SUCLG1: variants seen among roughly 807,000 people sequenced by gnomAD.
The protein encoded by SUCLG1 is succinate--CoA ligase [ADP/GDP-forming] subunit alpha, mitochondrial.
SUCLG1 carries 26 observed loss-of-function variants against 37.3 expected under a neutral mutation model. The observed-to-expected ratio is 0.70, with a 90% CI of 0.51 to 0.97. The LOEUF (loss-of-function observed/expected upper bound fraction) is 0.97. Among genes scored for constraint, SUCLG1 ranks in the 50% least tolerant of loss-of-function variants. The probability of loss-of-function intolerance (pLI) is 0.00; values close to 1 mark genes in which losing one functional copy is unlikely to be tolerated. For synonymous variants in SUCLG1, 163 were observed against 155.6 expected, an observed-to-expected ratio of 1.05 and a Z score of -0.36; for missense variants, 433 against 432.9, an observed-to-expected ratio of 1.00 and a Z score of 0.00.
At chr2:84,453,814 G>A (rs187312888) in intron 1 of SUCLG1, among the ~76,000 whole-genome samples, 15 of 152,346 alleles carry the variant, frequency 9.8e-5, no homozygotes, top group Non-Finnish European at 2.1e-4. Flanking sequence ...CCACATCCTA[G>A]GCCACCTCCT....
intron 1 of SUCLG1, chr2:84,458,570 G>A (rs1016069577): frequency 6.6e-6 from 1 of 152,174 alleles, no homozygotes; most frequent in Admixed American, 6.5e-5. Context: ...ATCGCCTGGT[G>A]GAGACACTGC....
intron 1 of SUCLG1, among the ~76,000 whole-genome samples, chr2:84,457,643 A>G (rs918857491): frequency 2.0e-5 from 3 of 152,192 alleles, no homozygotes; most frequent in Non-Finnish European, 4.4e-5. Context: ...GAAGCGAAAG[A>G]CACAGGTGGG....
intron 7 of SUCLG1, chr2:84,426,481 A>T (rs1425555220): frequency 1.3e-5 from 2 of 151,994 alleles, no homozygotes; most frequent in Non-Finnish European, 2.9e-5. Flanking sequence ...ATCCTGGCCA[A>T]CATGGTGAAA....
At chr2:84,443,469 C>T in intron 2 of SUCLG1, 69 bp from the exon 3 acceptor site, 1 of 1,298,352 alleles carries the variant, frequency 7.7e-7, no homozygotes, top group Non-Finnish European at 1.1e-6. Context: ...CAAAAGCAAT[C>T]TTAGCAACTT....
At chr2:84,423,908 T>C (rs1194960111) in intron 8 of SUCLG1, 136 bp from the exon 9 acceptor site, 2 of 915,060 alleles carry the variant, frequency 2.2e-6, no homozygotes, top group African/African-American at 3.3e-5. Flanking sequence ...AGAAGAAAAA[T>C]GTACCAGGAT....
At chr2:84,443,202 A>G in intron 3 of SUCLG1, 82 bp downstream of exon 3, 1 of 1,252,570 alleles carries the variant, frequency 8.0e-7, no homozygotes, top group Non-Finnish European at 1.2e-6. Flanking sequence ...TACCAAAAAA[A>G]CATAATTAAG....
At chr2:84,451,663 T>A (rs1380655266) in intron 1 of SUCLG1, among the ~76,000 whole-genome samples, 1 of 152,140 alleles carries the variant, frequency 6.6e-6, no homozygotes, top group East Asian at 1.9e-4. Context: ...GTATCAGAAG[T>A]GTGATAAACA....
chr2:84,437,729 A>T (rs1441920371), intron 5 of SUCLG1, among the ~76,000 whole-genome samples: 2 of 152,236 alleles, frequency 1.3e-5, no homozygotes. Flanking sequence ...ATTCCAAAAA[A>T]ATGAAGACAA....
chr2:84,431,050 C>T (rs896780886), intron 7 of SUCLG1, among the ~76,000 whole-genome samples: 1 of 152,130 alleles, frequency 6.6e-6, no homozygotes, highest in African/African-American at 2.4e-5. Flanking sequence ...AAGGGAAGTG[C>T]CATTCCACAA....
In SUCLG1 at chr2:84,459,263, C is replaced by T. The variant is rs779981363; in HGVS notation, c.7G>A (p.Ala3Thr). Residue 3 changes from alanine to threonine, a missense_variant, in exon 1 of 9, where the codon GCA (alanine) becomes ACA (threonine). Ala to Thr is a moderately conservative substitution (Grantham distance 58). Transcript: ENST00000393868. MTATLAAAADIAT... is the reference protein window; with the variant it reads MTTTLAAAADIAT... ...ATGTCAGCGGCAGCGGCAAGGGTTG[C>T]GGTCATACGCCAATGACACTCCCAG... 1.3e-6 allele frequency: 2 copies of T among 1,550,502 alleles called. No homozygotes were observed. The highest frequency in any genetic ancestry group is 2.4e-5 in the South Asian group (2 of 84,044).
intron 8 of SUCLG1, 57 bp downstream of exon 8, chr2:84,425,358 G>A (rs376777509): frequency 6.3e-7 from 1 of 1,598,442 alleles, no homozygotes; most frequent in East Asian, 2.2e-5. Flanking sequence ...ATCCAGTGTG[G>A]CCACACACAG....
chr2:84,453,267 G>A (rs754516482), intron 1 of SUCLG1, among the ~76,000 whole-genome samples: 8 of 152,004 alleles, frequency 5.3e-5, no homozygotes, highest in Non-Finnish European at 7.4e-5. Flanking sequence ...AGGAATTAAC[G>A]TGAGCAACAT....
At chr2:84,425,299 C>CAT (rs1287254623) in intron 8 of SUCLG1, 116 bp downstream of exon 8, 1 of 1,219,192 alleles carries the variant, frequency 8.2e-7, no homozygotes, top group African/African-American at 1.5e-5. Flanking sequence ...TTAAGCTGCA[C>CAT]ATCAGAAAAC....
intron 1 of SUCLG1, among the ~76,000 whole-genome samples, chr2:84,451,185 G>C (rs1672934895): frequency 6.6e-6 from 1 of 152,128 alleles, no homozygotes; most frequent in South Asian, 2.1e-4. Context: ...CATGGTATTT[G>C]TGTAGAAGCT....
intron 2 of SUCLG1, among the ~76,000 whole-genome samples, chr2:84,444,185 CTCTT>C (rs775356724): frequency 5.3e-5 from 8 of 152,346 alleles, no homozygotes; most frequent in Non-Finnish European, 1.0e-4. Flanking sequence ...TTTTCCTCTT[CTCTT>C]TCTCTCTCCT....
chr2:84,447,822 T>C lies in SUCLG1; in HGVS notation c.201+1827A>G, dbSNP rs559507714. Among the ~76,000 whole-genome samples the C allele has an allele frequency of 9.2e-5, 14 of 152,248 alleles. No homozygotes were observed. In the South Asian group the frequency reaches 1.5e-3, roughly 16 times the overall value. On this transcript the variant is annotated intron_variant, in intron 2 of 8. Transcript: ENST00000393868. Reference sequence around the variant, plus strand: ...ATGACTCACTGCAGCCTCAACCTCCTGGACTCAAGTGATCCTTCCACCTCA... The same window carrying C: ...ATGACTCACTGCAGCCTCAACCTCCCGGACTCAAGTGATCCTTCCACCTCA...
chr2:84,433,097 T>A (rs910764257), intron 6 of SUCLG1: 3 of 539,286 alleles, frequency 5.6e-6, no homozygotes, highest in Non-Finnish European at 9.9e-6. Flanking sequence ...AGTGATGTTT[T>A]CAGGCACCAA....
intron 6 of SUCLG1, among the ~76,000 whole-genome samples, 199 bp from the exon 7 acceptor site, chr2:84,431,858 C>T (rs1191228417): frequency 6.6e-6 from 1 of 152,042 alleles, no homozygotes; most frequent in Non-Finnish European, 1.5e-5. Flanking sequence ...TATATAAATG[C>T]TAAATGGTGG....
chr2:84,444,772 G>A (rs1266934223), intron 2 of SUCLG1, among the ~76,000 whole-genome samples: 4 of 152,110 alleles, frequency 2.6e-5, no homozygotes, highest in African/African-American at 4.8e-5. Flanking sequence ...CCATTTTAGA[G>A]GCCTACCCTC....
Sources: allele counts gnomAD v4.1 joint callset (sites outside exome capture counted in the v4.1 genomes callset), GRCh38; gene constraint gnomAD v4.1.1; transcripts MANE v1.5; gene names NCBI Gene and HGNC (gene_info 2026-07-23, HGNC 2026-07-21).